GPR158: variants seen among roughly 807,000 people sequenced by gnomAD.
The protein encoded by GPR158 is metabotropic glycine receptor.
A neutral mutation model predicts 78.2 loss-of-function variants in GPR158; 30 were observed. The observed-to-expected ratio is 0.38, with a 90% CI of 0.29 to 0.52. GPR158 has a LOEUF of 0.52. Among genes scored for constraint, GPR158 ranks in the 20% least tolerant of loss-of-function variants. The pLI is 0.83. For synonymous variants in GPR158, 581 were observed against 591.1 expected, an observed-to-expected ratio of 0.98 and a Z score of 0.25; for missense variants, 1,463 against 1,523.5, an observed-to-expected ratio of 0.96 and a Z score of 0.66.
chr10:25,489,106 T>G (rs931795712), intron 5 of GPR158, among the ~76,000 whole-genome samples: 3 of 152,088 alleles, frequency 2.0e-5, no homozygotes, highest in African/African-American at 7.2e-5. Context: ...TGGCCTGAAA[T>G]CCTAGTTAAA....
At chr10:25,481,621 G>A (rs1191733165) in intron 5 of GPR158, among the ~76,000 whole-genome samples, 4 of 152,102 alleles carry the variant, frequency 2.6e-5, no homozygotes, top group African/African-American at 9.7e-5. Context: ...CCCTGATTTC[G>A]ATTTTTTGGG....
chr10:25,377,729 A>G (rs1834101579), intron 2 of GPR158, among the ~76,000 whole-genome samples: 1 of 152,124 alleles, frequency 6.6e-6, no homozygotes, highest in African/African-American at 2.4e-5. Flanking sequence ...TTATTGCTGA[A>G]TAATATTCCA....
At chr10:25,434,889 T>A (rs540284025) in intron 4 of GPR158, among the ~76,000 whole-genome samples, 43 of 152,306 alleles carry the variant, frequency 2.8e-4, no homozygotes, top group Middle Eastern at 3.4e-3. Flanking sequence ...GGAATTTCAT[T>A]CATCAGACTA....
intron 2 of GPR158, among the ~76,000 whole-genome samples, chr10:25,250,091 T>C (rs999195063): frequency 4.5e-5 from 6 of 132,366 alleles, no homozygotes; most frequent in Non-Finnish European, 9.5e-5. Context: ...TTTTCTAGTT[T>C]ATTTGCATAG....
chr10:25,427,142 C>T (rs11014545), intron 4 of GPR158, among the ~76,000 whole-genome samples: 50,268 of 151,802 alleles, frequency 0.33, 10,449 homozygotes, highest in Non-Finnish European at 0.47. Flanking sequence ...AAGAGTAACT[C>T]CAAAGCTCAG....
intron 1 of GPR158, among the ~76,000 whole-genome samples, chr10:25,215,117 G>A (rs1012276532): frequency 1.3e-5 from 2 of 152,046 alleles, no homozygotes; most frequent in African/African-American, 4.8e-5. Flanking sequence ...GAACTCAGTG[G>A]GCCCACCACA....
chr10:25,399,043 G>C (rs1021444980), intron 3 of GPR158, among the ~76,000 whole-genome samples: 8 of 152,146 alleles, frequency 5.3e-5, no homozygotes, highest in Non-Finnish European at 7.4e-5. Context: ...AATTTATAAA[G>C]AAAAGAGATT....
chr10:25,493,717 A>G (rs939931658), intron 5 of GPR158, among the ~76,000 whole-genome samples: 1 of 152,246 alleles, frequency 6.6e-6, no homozygotes, highest in African/African-American at 2.4e-5. Context: ...AAGCAAACAA[A>G]GTTAACCATA....
intron 4 of GPR158, among the ~76,000 whole-genome samples, chr10:25,429,196 T>C (rs543316047): frequency 6.6e-6 from 1 of 152,192 alleles, no homozygotes; most frequent in East Asian, 1.9e-4. Context: ...GTTTGAAAAG[T>C]ATTGTCACAG....
intron 2 of GPR158, among the ~76,000 whole-genome samples, chr10:25,377,884 G>GTA (rs1182986082): frequency 1.3e-5 from 2 of 151,956 alleles, no homozygotes; most frequent in East Asian, 3.9e-4. Flanking sequence ...ATTGTCTTGG[G>GTA]TATATATGTA....
intron 5 of GPR158, among the ~76,000 whole-genome samples, chr10:25,469,921 T>C (rs1835475024): frequency 6.6e-6 from 1 of 151,962 alleles, no homozygotes. Flanking sequence ...GCCTTTCTTC[T>C]TCCATGCTAG....
intron 5 of GPR158, among the ~76,000 whole-genome samples, chr10:25,513,401 T>G (rs1427612538): frequency 6.6e-6 from 1 of 152,038 alleles, no homozygotes; most frequent in East Asian, 1.9e-4. Context: ...TTGAGCTTAT[T>G]TGGATCTTCT....
At chr10:25,444,660 G>T (rs1039416108) in intron 4 of GPR158, among the ~76,000 whole-genome samples, 1 of 151,830 alleles carries the variant, frequency 6.6e-6, no homozygotes, top group Non-Finnish European at 1.5e-5. Flanking sequence ...AGGGGTGTGT[G>T]TGTGTGTATG....
chr10:25,577,740 C>T (rs1432586947), intron 7 of GPR158, among the ~76,000 whole-genome samples: 1 of 152,118 alleles, frequency 6.6e-6, no homozygotes, highest in African/African-American at 2.4e-5. Flanking sequence ...AAAAGAGCCA[C>T]AGTTTCTTCT....
rs139951761 is a variant in GPR158, at chr10:25,235,789, C to T, written c.1008+14632C>T. ...TCAGTTAACTGCAAGTTCTACCTCC[C>T]GGGTTCACGCCATTCTCCTGCCTCA... On this transcript the variant is annotated intron_variant, in intron 2 of 10. Coordinates refer to ENST00000376351, the MANE Select transcript of GPR158 (RefSeq NM_020752.3). Among the ~76,000 whole-genome samples the T allele has an allele frequency of 4.3e-3, 647 of 151,158 alleles. 4 individuals are homozygous for T. The highest frequency in any genetic ancestry group is 0.015 in the African/African-American group (616 of 41,052).
chr10:25,175,370 A>T lies in GPR158; in HGVS notation c.-51A>T. On this transcript the variant is annotated 5_prime_UTR_variant, in exon 1 of 11. Coordinates refer to ENST00000376351, the MANE Select transcript of GPR158 (RefSeq NM_020752.3). This position sits in a 1 kb window ranked among gnomAD's most constrained non-coding sequence, Gnocchi z 6.4. ...GTTGAGAAACTGACGATCCAAATTTAAAAAGTGATTCCCCCCCCTCCCGTT... is the reference window on the plus strand; with the variant it reads ...GTTGAGAAACTGACGATCCAAATTTTAAAAGTGATTCCCCCCCCTCCCGTT... 1 of 1,169,026 alleles carries T rather than the reference A, an allele frequency of 8.6e-7. No homozygotes were observed. The highest frequency in any genetic ancestry group is 1.2e-6 in the Non-Finnish European group (1 of 821,158). 72.4% of individuals were successfully genotyped at this position (1,169,026 alleles called of 1,614,324 possible). A position where few individuals can be genotyped will look rare whatever the true frequency, so the allele number is the denominator to read the frequency against.
Position 25,317,762 on chromosome 10 carries a change from TTC to T in GPR158, c.1009-78147_1009-78146del, listed in dbSNP as rs1408064641. On this transcript the variant is annotated intron_variant, in intron 2 of 10. Coordinates refer to ENST00000376351, the MANE Select transcript of GPR158 (RefSeq NM_020752.3). ...TTTTGTTTTTGAGACAGAGTCTCGCTTCTTCACCCAGGCTGGAGTGCAATGGC... is the reference window on the plus strand; with the variant it reads ...TTTTGTTTTTGAGACAGAGTCTCGCTTTCACCCAGGCTGGAGTGCAATGGC... Among the ~76,000 whole-genome samples, 8 of 149,112 alleles carry T rather than the reference TTC, an allele frequency of 5.4e-5. No individual in the cohort carries two copies. The Middle Eastern group carries it at 0.014, about 257-fold the overall frequency.
intron 2 of GPR158, among the ~76,000 whole-genome samples, chr10:25,228,448 C>T (rs540893709): frequency 3.9e-5 from 6 of 151,904 alleles, no homozygotes; most frequent in Non-Finnish European, 7.4e-5. Context: ...TACAATGTAT[C>T]CAAATAATAT....
At chr10:25,238,372 A>G (rs951059031) in intron 2 of GPR158, among the ~76,000 whole-genome samples, 2 of 152,272 alleles carry the variant, frequency 1.3e-5, no homozygotes, top group African/African-American at 2.4e-5. Flanking sequence ...TATTGGTTGC[A>G]TATCTTTTAC....
Sources: allele counts gnomAD v4.1 joint callset (sites outside exome capture counted in the v4.1 genomes callset), GRCh38; gene constraint gnomAD v4.1.1; non-coding constraint Gnocchi (gnomAD v3.1); transcripts MANE v1.5; gene names NCBI Gene and HGNC (gene_info 2026-07-23, HGNC 2026-07-21).